The following USP28 variants were observed in gnomAD, a reference collection of about 807,000 sequenced individuals.
USP28 encodes ubiquitin specific peptidase 28, also known as ubiquitin carboxyl-terminal hydrolase 28.
Under a neutral mutation model 145.0 loss-of-function variants are expected in USP28, and 113 were observed. The observed-to-expected ratio is 0.78, with a 90% CI of 0.67 to 0.91. The LOEUF (loss-of-function observed/expected upper bound fraction) is 0.91, where lower values mean the gene tolerates loss of function less well. USP28 is among the 40% of genes least tolerant of loss of function. USP28 has a pLI of 0.00. For synonymous variants in USP28, 447 were observed against 450.9 expected (o/e 0.99, Z 0.11); for missense variants, 1,201 against 1,289.6 (o/e 0.93, Z 1.05).
At chr11:113,836,071 T>C (rs979527467) in intron 5 of USP28, among the ~76,000 whole-genome samples, 1 of 152,032 alleles carries the variant, frequency 6.6e-6, no homozygotes, top group African/African-American at 2.4e-5. Context: ...AGAACGAAAC[T>C]GTCTCAAAAC....
rs762430157 is a variant in USP28 at position 113,831,880 on chromosome 11, G to A, written c.833+40C>T. The A allele has an allele frequency of 9.4e-6, 15 of 1,587,512 alleles. No individual in the cohort carries two copies. In the South Asian group the frequency reaches 1.3e-4, roughly 14 times the overall value. On this transcript the variant is annotated intron_variant, in intron 8 of 24. Coordinates refer to ENST00000003302, the Ensembl canonical transcript of USP28. Reference sequence around the variant, plus strand: ...AGCATATAATTCTCACTGGCCCACTGTGAGTCGGAAGGATGTACAAACAAA... The same window carrying A: ...AGCATATAATTCTCACTGGCCCACTATGAGTCGGAAGGATGTACAAACAAA...
chr11:113,863,363 A>G (rs1202434130), intron 1 of USP28, among the ~76,000 whole-genome samples: 1 of 151,784 alleles, frequency 6.6e-6, no homozygotes, highest in East Asian at 1.9e-4. Context: ...GTCACTGCTG[A>G]GGCTGGGTGC....
chr11:113,857,313 C>G (rs930519320), intron 1 of USP28, among the ~76,000 whole-genome samples: 1 of 152,170 alleles, frequency 6.6e-6, no homozygotes, highest in African/African-American at 2.4e-5. Context: ...TTGCATAAAG[C>G]ACTTGACTGT....
In USP28 at chr11:113,875,437, G is replaced by A; in HGVS notation, c.57+8C>T. ...CCCCCAGCTCCCGCTCGCCGCCGCG[G>A]AGCCCACCGAGCCGTGGCCGTCTGC... is the stretch of plus-strand genomic sequence containing the variant. On this transcript the variant is annotated splice_region_variant and intron_variant, in intron 1 of 24. Coordinates refer to ENST00000003302, the Ensembl canonical transcript of USP28. 1 of 1,243,682 alleles carries A rather than the reference G, an allele frequency of 8.0e-7. No homozygotes were observed. The highest frequency in any genetic ancestry group is 1.0e-6 in the Non-Finnish European group (1 of 989,034). 77.0% of individuals were successfully genotyped at this position (1,243,682 alleles called of 1,614,324 possible). A position where few individuals can be genotyped will look rare whatever the true frequency, so the allele number is the denominator to read the frequency against.
chr11:113,871,368 AAGAGAAG>A (rs1337507257), intron 1 of USP28, among the ~76,000 whole-genome samples: 1 of 152,190 alleles, frequency 6.6e-6, no homozygotes, highest in Non-Finnish European at 1.5e-5. Flanking sequence ...ACATAATAGA[AAGAGAAG>A]AGAGACATCA....
At chr11:113,870,035 G>C (rs1948665774) in intron 1 of USP28, among the ~76,000 whole-genome samples, 1 of 152,132 alleles carries the variant, frequency 6.6e-6, no homozygotes, top group South Asian at 2.1e-4. Context: ...GGTGGTGCAT[G>C]CCTGTAATCC....
intron 1 of USP28, among the ~76,000 whole-genome samples, chr11:113,872,442 G>A (rs1351258560): frequency 1.3e-5 from 2 of 151,122 alleles, no homozygotes; most frequent in Non-Finnish European, 2.9e-5. Context: ...AGCAGAGATC[G>A]CGCCACTGCA....
chr11:113,824,142 A>C (rs1943026882), intron 11 of USP28, among the ~76,000 whole-genome samples: 1 of 152,216 alleles, frequency 6.6e-6, no homozygotes, highest in African/African-American at 2.4e-5. Context: ...TACACTTGTA[A>C]AGAACAAATG....
In USP28 at chr11:113,835,459, G is replaced by A. The variant is rs1476099610; in HGVS notation, c.535-1124C>T. The A allele has an allele frequency of 7.3e-6, 3 of 409,204 alleles. No homozygotes were observed. In the East Asian group the frequency reaches 2.1e-4, roughly 29 times the overall value. 25.3% of individuals were successfully genotyped at this position (409,204 alleles called of 1,614,324 possible). A position where few individuals can be genotyped will look rare whatever the true frequency, so the allele number is the denominator to read the frequency against. On this transcript the variant is annotated intron_variant, in intron 5 of 24. Coordinates refer to ENST00000003302, the Ensembl canonical transcript of USP28. ...TGTCGGTACTGACTAGAGCCCACGT[G>A]CACCTCTCTGGCTTCCCTCACTCTA...
At chr11:113,842,901 T>C (rs1239140864) in intron 3 of USP28, among the ~76,000 whole-genome samples, 1 of 152,168 alleles carries the variant, frequency 6.6e-6, no homozygotes, top group Non-Finnish European at 1.5e-5. Context: ...CTATTATCAC[T>C]GCTTTTATTC....
At chr11:113,818,662 C>A (rs1942130092) in intron 12 of USP28, among the ~76,000 whole-genome samples, 1 of 152,034 alleles carries the variant, frequency 6.6e-6, no homozygotes, top group Admixed American at 6.6e-5. Context: ...GAGTTCAAGA[C>A]CAGCCTAGGC....
chr11:113,809,400 A>C, intron 16 of USP28, 146 bp from the exon 17 acceptor site: 2 of 802,918 alleles, frequency 2.5e-6, no homozygotes, highest in South Asian at 3.8e-5. Context: ...CAGGCTGAGT[A>C]TCTCTTATCC....
At chr11:113,808,079 A>G in intron 18 of USP28, 2 of 1,419,788 alleles carry the variant, frequency 1.4e-6, no homozygotes, top group Non-Finnish European at 1.8e-6. Context: ...GGCTGTTCTG[A>G]CTGCTCTGCA....
chr11:113,808,426 C>T (rs1423850179), exon 18 of USP28: 7 of 1,613,966 alleles, frequency 4.3e-6, no homozygotes, highest in East Asian at 2.2e-5. Context: ...TGAGAAGAGG[C>T]TACTGAAGGC....
exon 23 of USP28, chr11:113,803,180 A>G: frequency 6.2e-7 from 1 of 1,614,086 alleles, no homozygotes; most frequent in Non-Finnish European, 8.5e-7. Context: ...TCTTCGGTAT[A>G]AAGCAATCAC....
chr11:113,828,035 CAACA>C (rs1482065868), intron 10 of USP28, among the ~76,000 whole-genome samples: 1 of 152,208 alleles, frequency 6.6e-6, no homozygotes, highest in Admixed American at 6.5e-5. Context: ...AAAAAAGACT[CAACA>C]GTCAGGGATC....
intron 5 of USP28, among the ~76,000 whole-genome samples, chr11:113,839,807 AT>A (rs1159182228): frequency 1.3e-5 from 2 of 152,020 alleles, no homozygotes; most frequent in Non-Finnish European, 1.5e-5. Context: ...GGCAGATCAC[AT>A]GGTCAGGAGT....
chr11:113,833,062 G>C (rs577302766), intron 7 of USP28, among the ~76,000 whole-genome samples: 14 of 152,324 alleles, frequency 9.2e-5, no homozygotes, highest in Non-Finnish European at 1.0e-4. Context: ...ACCATTCCAA[G>C]ACAAAGGTGC....
intron 23 of USP28, among the ~76,000 whole-genome samples, chr11:113,802,889 AAAAT>A (rs1939291463): frequency 6.6e-6 from 1 of 152,208 alleles, no homozygotes; most frequent in Non-Finnish European, 1.5e-5. Flanking sequence ...GCAATGTGAT[AAAAT>A]CTATAATGCA....
Sources: allele counts gnomAD v4.1 joint callset (sites outside exome capture counted in the v4.1 genomes callset), GRCh38; gene constraint gnomAD v4.1.1; transcripts MANE v1.5; gene names NCBI Gene and HGNC (gene_info 2026-07-23, HGNC 2026-07-21).